The following CIT variants were observed in gnomAD, a reference collection of about 807,000 sequenced individuals.
CIT encodes citron rho-interacting serine/threonine kinase, also known as citron Rho-interacting kinase.
A neutral mutation model predicts 272.7 loss-of-function variants in CIT; 79 were observed. The observed-to-expected ratio is 0.29, with a 90% confidence interval of 0.24 to 0.35. The LOEUF (loss-of-function observed/expected upper bound fraction) is 0.35. Ranked by LOEUF, CIT falls within the 10% of genes least tolerant of loss-of-function variation. The pLI, the probability that CIT is intolerant of heterozygous loss-of-function variation, is 1.00. For missense variants in CIT, 1,909 were observed against 2,618.3 expected (o/e 0.73, Z 5.91); for synonymous variants, 948 against 995.6 (o/e 0.95, Z 0.90).
chr12:119,860,184 T>C (rs1051964338), intron 3 of CIT, among the ~76,000 whole-genome samples: 1 of 152,112 alleles, frequency 6.6e-6, no homozygotes, highest in Non-Finnish European at 1.5e-5. Context: ...ATCTCCTGTG[T>C]CAGAGGCTTA....
intron 46 of CIT, among the ~76,000 whole-genome samples, chr12:119,696,901 T>C (rs1956253471): frequency 6.6e-6 from 1 of 152,214 alleles, no homozygotes; most frequent in Non-Finnish European, 1.5e-5. Context: ...GATTGCTCCA[T>C]GTCAGTGTGA....
rs1318910266 is a variant in CIT, at chr12:119,708,332, G to A, written c.5072-14C>T. The A allele has an allele frequency of 5.7e-6, 9 of 1,567,938 alleles. No homozygotes were observed. The highest frequency in any genetic ancestry group is 7.8e-6 in the Non-Finnish European group (9 of 1,155,934). ...CCCGCTCTTCTCCTGAACAGGAAAAGGAACAACCTCTCGTCAGTGTGAAGC... is the reference window on the plus strand; with the variant it reads ...CCCGCTCTTCTCCTGAACAGGAAAAAGAACAACCTCTCGTCAGTGTGAAGC... On this transcript the variant is annotated splice_polypyrimidine_tract_variant and intron_variant, in intron 39 of 47. Coordinates refer to ENST00000392521, the MANE Select transcript of CIT (RefSeq NM_001206999.2).
intron 26 of CIT, among the ~76,000 whole-genome samples, chr12:119,731,131 C>CAA (rs1428694399): frequency 2.0e-5 from 3 of 149,250 alleles, no homozygotes; most frequent in Admixed American, 2.0e-4. Context: ...GGTCTCAAAA[C>CAA]AAAACAAAAA....
chr12:119,840,296 T>G (rs1421152530), intron 5 of CIT, among the ~76,000 whole-genome samples: 1 of 152,168 alleles, frequency 6.6e-6, no homozygotes, highest in Non-Finnish European at 1.5e-5. Context: ...CCAGCTTGGA[T>G]GACACAGTCA....
At chr12:119,806,589 C>T (rs1488470891) in intron 9 of CIT, among the ~76,000 whole-genome samples, 1 of 152,110 alleles carries the variant, frequency 6.6e-6, no homozygotes, top group Non-Finnish European at 1.5e-5. Context: ...GGTGTTTTTG[C>T]AACCCAGGGC....
At chr12:119,832,719 A>C (rs1416797351) in intron 7 of CIT, 52 bp downstream of exon 7, 1 of 1,461,682 alleles carries the variant, frequency 6.8e-7, no homozygotes, top group African/African-American at 1.4e-5. Context: ...TAGGAGGACC[A>C]AGAATACTTT....
intron 9 of CIT, 32 bp from the exon 10 acceptor site, chr12:119,803,421 G>A (rs1178698279): frequency 2.0e-6 from 3 of 1,487,868 alleles, no homozygotes; most frequent in Non-Finnish European, 1.8e-6. Context: ...AGGAGGCGGG[G>A]AGGAAAAAAA....
rs747188782 is a variant in CIT, at chr12:119,718,301, G to T, written c.4112C>A (p.Ala1371Asp). Residue 1371 changes from alanine to aspartate, a missense_variant, in exon 32 of 48, where the codon GCC (alanine) becomes GAC (aspartate). Physicochemically the swap from Ala to Asp is moderately radical, Grantham distance 126. Around this residue, in one of 8 missense-constraint regions of CIT, gnomAD observed 780 missense variants for 1,067.2 expected, o/e 0.73. Transcript: ENST00000392521. This position sits in a 1 kb window ranked among gnomAD's most constrained non-coding sequence, Gnocchi z 4.8. ...IVRSPEHQPS[A>D]MSLLAPPSSR... ...GGATGGCGGGGCCAGCAGGCTCATGGCACTGGGCTGGTGCTCTGGCGACCG... is the reference window on the plus strand; with the variant it reads ...GGATGGCGGGGCCAGCAGGCTCATGTCACTGGGCTGGTGCTCTGGCGACCG... 1 of 1,613,906 alleles carries T rather than the reference G, an allele frequency of 6.2e-7. No homozygotes were observed. The highest frequency in any genetic ancestry group is 1.3e-5 in the African/African-American group (1 of 74,930).
Position 119,823,124 on chromosome 12 carries a change from G to A in CIT, c.958-151C>T, listed in dbSNP as rs188452843. 1.8e-3 allele frequency: 1,343 copies of A among 751,160 alleles called. 3 individuals are homozygous for A. The highest frequency in any genetic ancestry group is 3.9e-3 in the Admixed American group (126 of 32,618). The allele number at this position is 751,160 out of a possible 1,614,324, so 46.5% of individuals were successfully genotyped here. On this transcript the variant is annotated intron_variant, in intron 8 of 47. Coordinates refer to ENST00000392521, the MANE Select transcript of CIT (RefSeq NM_001206999.2). ...CGTGCCCTCTTCCCTTTGGACCAAA[G>A]GCGTGTTCCCAAAATAAGTGGCCTG... is the stretch of plus-strand genomic sequence containing the variant.
In CIT at chr12:119,718,200, A is replaced by G. The variant is rs1957633198; in HGVS notation, c.4168+45T>C. ...CTTGTAATTTTTACCATATGCCCAC[A>G]TGTCTTAGTCGACTAAAAGAAATTT... On this transcript the variant is annotated intron_variant, in intron 32 of 47. Transcript: ENST00000392521. The surrounding 1 kb of genome is among the most constrained non-coding windows in gnomAD (Gnocchi z 4.8). 5.1e-6 allele frequency: 8 copies of G among 1,567,678 alleles called. No homozygotes were observed. The highest frequency in any genetic ancestry group is 6.1e-6 in the Non-Finnish European group (7 of 1,153,898).
At chr12:119,780,381 G>A (rs1317999508) in intron 13 of CIT, among the ~76,000 whole-genome samples, 2 of 152,178 alleles carry the variant, frequency 1.3e-5, no homozygotes. Flanking sequence ...CACTTTGGGA[G>A]GCCAAGGCGG....
intron 18 of CIT, among the ~76,000 whole-genome samples, chr12:119,767,799 G>A (rs1015389580): frequency 6.6e-6 from 1 of 151,868 alleles, no homozygotes; most frequent in South Asian, 2.1e-4. Flanking sequence ...ATAATACACT[G>A]ATAATAATGA....
At chr12:119,847,998 C>T (rs1305204932) in intron 5 of CIT, among the ~76,000 whole-genome samples, 1 of 152,198 alleles carries the variant, frequency 6.6e-6, no homozygotes, top group East Asian at 1.9e-4. Flanking sequence ...GCATCTGCAA[C>T]AGATGTCCTG....
chr12:119,834,932 G>T (rs973019039), intron 5 of CIT, among the ~76,000 whole-genome samples: 3 of 152,120 alleles, frequency 2.0e-5, no homozygotes, highest in African/African-American at 2.4e-5. Flanking sequence ...AAAACAAACA[G>T]ATTCCATTTA....
intron 10 of CIT, among the ~76,000 whole-genome samples, chr12:119,792,277 G>A (rs1965371155): frequency 6.6e-6 from 1 of 152,154 alleles, no homozygotes; most frequent in South Asian, 2.1e-4. Flanking sequence ...CCAAGAATGA[G>A]TATACTTGAA....
chr12:119,763,211 T>C (rs1344834145), intron 19 of CIT, among the ~76,000 whole-genome samples: 2 of 152,276 alleles, frequency 1.3e-5, no homozygotes, highest in Admixed American at 1.3e-4. Context: ...AGATAGAATA[T>C]GGCTTTTGGT....
chr12:119,868,912 G>A lies in CIT; in HGVS notation c.238+148C>T. On this transcript the variant is annotated intron_variant, in intron 3 of 47. Transcript: ENST00000392521. ...CTTACCTGGTCTCCCAGCTATAAGA[G>A]GTGCAGCCTGAATTTGAACCTGGAT... is the stretch of plus-strand genomic sequence containing the variant. 2 of 881,284 alleles carry A rather than the reference G, an allele frequency of 2.3e-6. 1 individual carries two copies. Among genetic ancestry groups the A allele is most frequent in the Non-Finnish European group, 3.5e-6 (2 of 576,956 alleles). The allele number at this position is 881,284 out of a possible 1,614,324, so 54.6% of individuals were successfully genotyped here. A position where few individuals can be genotyped will look rare whatever the true frequency, so the allele number is the denominator to read the frequency against.
intron 5 of CIT, among the ~76,000 whole-genome samples, chr12:119,842,008 AAAG>A (rs1439200323): frequency 6.6e-6 from 1 of 152,210 alleles, no homozygotes; most frequent in African/African-American, 2.4e-5. Flanking sequence ...AGAACATGGA[AAAG>A]AAGTTCATGA....
chr12:119,713,456 C>A lies in CIT; in HGVS notation c.4487+12G>T. On this transcript the variant is annotated intron_variant, in intron 34 of 47. Coordinates refer to ENST00000392521, the MANE Select transcript of CIT (RefSeq NM_001206999.2). The surrounding 1 kb of genome is among the most constrained non-coding windows in gnomAD (Gnocchi z 5.2). The stretch of plus-strand genomic sequence containing the variant: ...AGCACCTGCTCCAGCCCAAGCCACC[C>A]TGACATGGTACCTGGGCACCTTCAT... 6.2e-7 allele frequency: 1 copy of A among 1,612,906 alleles called. No homozygotes were observed. The highest frequency in any genetic ancestry group is 8.5e-7 in the Non-Finnish European group (1 of 1,179,316).
Sources: allele counts gnomAD v4.1 joint callset (sites outside exome capture counted in the v4.1 genomes callset), GRCh38; gene constraint gnomAD v4.1.1; regional missense constraint gnomAD v4.1.1; non-coding constraint Gnocchi (gnomAD v3.1); transcripts MANE v1.5; gene names NCBI Gene and HGNC (gene_info 2026-07-23, HGNC 2026-07-21).